TRPC4: variants seen among roughly 807,000 people sequenced by gnomAD.
The protein encoded by TRPC4 is short transient receptor potential channel 4.
TRPC4 carries 49 observed loss-of-function variants against 99.4 expected under a neutral mutation model. The ratio of observed to expected loss-of-function variants is 0.49; its 90% confidence interval spans 0.39 to 0.63. TRPC4 has a LOEUF of 0.63. Among genes scored for constraint, TRPC4 ranks in the 20% least tolerant of loss-of-function variants. The probability of loss-of-function intolerance (pLI) is 0.00; values close to 1 mark genes in which losing one functional copy is unlikely to be tolerated. For missense variants in TRPC4, 898 were observed against 1,152.9 expected, an observed-to-expected ratio of 0.78 and a Z score of 3.20; for synonymous variants, 454 against 425.9, an observed-to-expected ratio of 1.07 and a Z score of -0.81.
At chr13:37,818,523 T>C (rs186274165) in intron 1 of TRPC4, among the ~76,000 whole-genome samples, 100 of 152,262 alleles carry the variant, frequency 6.6e-4, no homozygotes, top group Middle Eastern at 3.4e-3. Flanking sequence ...GCAGCACTAT[T>C]CACAATAGCA....
intron 3 of TRPC4, among the ~76,000 whole-genome samples, chr13:37,695,288 A>G (rs1227403004): frequency 6.6e-6 from 1 of 151,528 alleles, no homozygotes; most frequent in African/African-American, 2.4e-5. Flanking sequence ...AGTAATGCTC[A>G]GCTTTACTCC....
chr13:37,850,335 T>C (rs529719081), intron 1 of TRPC4, among the ~76,000 whole-genome samples: 242 of 152,338 alleles, frequency 1.6e-3, no homozygotes, highest in Middle Eastern at 6.8e-3. Context: ...AAGAAAGAGC[T>C]CTTAGTTGGA....
At chr13:37,851,404 T>A (rs116515540) in intron 1 of TRPC4, among the ~76,000 whole-genome samples, 3,576 of 152,296 alleles carry the variant, frequency 0.023, 84 homozygotes, top group African/African-American at 0.065. Flanking sequence ...TTATTGGAGT[T>A]ATCAGCCTCA....
At chr13:37,638,896 C>T (rs1435201058) in intron 10 of TRPC4, 144 bp downstream of exon 10, 1 of 763,514 alleles carries the variant, frequency 1.3e-6, no homozygotes, top group African/African-American at 1.8e-5. Context: ...TTTTACAGTT[C>T]TGTAGGGTTT....
intron 1 of TRPC4, 125 bp from the exon 2 acceptor site, chr13:37,783,485 G>T: frequency 1.5e-6 from 1 of 654,760 alleles, no homozygotes; most frequent in Non-Finnish European, 2.2e-6. Flanking sequence ...ACTATTAAGA[G>T]TTAAGGTTTT....
At chr13:37,745,827 A>T in intron 3 of TRPC4, 110 bp downstream of exon 3, 1 of 1,164,094 alleles carries the variant, frequency 8.6e-7, no homozygotes, top group Non-Finnish European at 1.2e-6. Context: ...ATCCACTTAC[A>T]GCTGAATAGA....
At chr13:37,730,171 A>C (rs2139078771) in intron 3 of TRPC4, among the ~76,000 whole-genome samples, 1 of 152,166 alleles carries the variant, frequency 6.6e-6, no homozygotes, top group East Asian at 1.9e-4. Context: ...TGGATCTCTA[A>C]AAATGTAGCA....
chr13:37,733,590 T>C (rs1205764542), intron 3 of TRPC4, among the ~76,000 whole-genome samples: 1 of 152,154 alleles, frequency 6.6e-6, no homozygotes, highest in Non-Finnish European at 1.5e-5. Context: ...AATATTGATC[T>C]ACATATTTAA....
At chr13:37,800,094 A>G (rs778515226) in intron 1 of TRPC4, among the ~76,000 whole-genome samples, 3 of 152,234 alleles carry the variant, frequency 2.0e-5, no homozygotes, top group Non-Finnish European at 4.4e-5. Context: ...AGCGCATATG[A>G]ATAATTTGTT....
At chr13:37,725,519 C>G (rs1477787179) in intron 3 of TRPC4, among the ~76,000 whole-genome samples, 1 of 151,930 alleles carries the variant, frequency 6.6e-6, no homozygotes, top group African/African-American at 2.4e-5. Flanking sequence ...ACAAGGAATC[C>G]TGAATAAGAT....
At chr13:37,708,941 T>C (rs1207859964) in intron 3 of TRPC4, among the ~76,000 whole-genome samples, 1 of 151,926 alleles carries the variant, frequency 6.6e-6, no homozygotes, top group Non-Finnish European at 1.5e-5. Context: ...ATTTATGACA[T>C]ACTTGCCTGA....
chr13:37,723,541 T>C (rs1197160845), intron 3 of TRPC4, among the ~76,000 whole-genome samples: 1 of 152,122 alleles, frequency 6.6e-6, no homozygotes, highest in Non-Finnish European at 1.5e-5. Context: ...TTGGTGGAGA[T>C]GCAAATTATT....
At chr13:37,676,390 T>C (rs1189544927) in intron 4 of TRPC4, among the ~76,000 whole-genome samples, 1 of 151,852 alleles carries the variant, frequency 6.6e-6, no homozygotes, top group Admixed American at 6.6e-5. Context: ...TTTTTTTTTT[T>C]TTAGTTGGAG....
At chr13:37,756,106 AATTT>A (rs1259164238) in intron 2 of TRPC4, among the ~76,000 whole-genome samples, 5 of 152,158 alleles carry the variant, frequency 3.3e-5, no homozygotes, top group Admixed American at 2.6e-4. Flanking sequence ...TATATTTAAA[AATTT>A]ATTTGACAAC....
At chr13:37,689,052 G>A (rs181048721) in intron 4 of TRPC4, among the ~76,000 whole-genome samples, 10 of 152,186 alleles carry the variant, frequency 6.6e-5, no homozygotes, top group Non-Finnish European at 1.0e-4. Flanking sequence ...AAAGATTAAC[G>A]CATTCCTACT....
In TRPC4 at chr13:37,668,884, T is replaced by C. The variant is rs186033309; in HGVS notation, c.1375-5155A>G. Among the ~76,000 whole-genome samples the C allele has an allele frequency of 3.8e-4, 58 of 152,284 alleles. 1 individual carries two copies. In the East Asian group the frequency reaches 9.8e-3, roughly 26 times the overall value. ...AGTAGTGAAAGACCAAAAAGACCAG[T>C]GTTTATACTGGCATATTATTTTCTC... On this transcript the variant is annotated intron_variant, in intron 5 of 10. Coordinates refer to ENST00000379705, the MANE Select transcript of TRPC4 (RefSeq NM_016179.4).
chr13:37,814,211 G>C (rs1277418398), intron 1 of TRPC4, among the ~76,000 whole-genome samples: 1 of 151,656 alleles, frequency 6.6e-6, no homozygotes, highest in African/African-American at 2.4e-5. Flanking sequence ...AAAACACACA[G>C]CTAAAATCAT....
At chr13:37,769,362 T>C (rs1299699438) in intron 2 of TRPC4, among the ~76,000 whole-genome samples, 1 of 151,392 alleles carries the variant, frequency 6.6e-6, no homozygotes, top group African/African-American at 2.4e-5. Context: ...CACACTTACA[T>C]TGACAATACT....
In TRPC4 at chr13:37,745,921, G is replaced by C. The variant is rs748658501; in HGVS notation, c.897+16C>G. On this transcript the variant is annotated intron_variant, in intron 3 of 10. Transcript: ENST00000379705. ...ACTCTATGGCATTTTGATGGATCAAGTCTGGCAACACTCACCTCTTTTTGA... is the reference window on the plus strand; with the variant it reads ...ACTCTATGGCATTTTGATGGATCAACTCTGGCAACACTCACCTCTTTTTGA... 4 of 1,600,426 alleles carry C rather than the reference G, an allele frequency of 2.5e-6. No homozygotes were observed. Among genetic ancestry groups the C allele is most frequent in the Non-Finnish European group, 3.4e-6 (4 of 1,172,060 alleles).
Sources: gnomAD v4.1 joint callset for allele counts (sites outside exome capture counted in the v4.1 genomes callset) on GRCh38, gnomAD v4.1.1 for gene constraint, MANE v1.5 for transcripts, NCBI Gene and HGNC (gene_info 2026-07-23, HGNC 2026-07-21) for gene names.